GLCCI1: variants seen among roughly 807,000 people sequenced by gnomAD.
GLCCI1 encodes the protein glucocorticoid-induced transcript 1 protein.
GLCCI1 carries 24 observed loss-of-function variants against 52.2 expected under a neutral mutation model. The ratio of observed to expected loss-of-function variants is 0.46; its 90% CI spans 0.33 to 0.65. GLCCI1 has a LOEUF of 0.65. Among genes scored for constraint, GLCCI1 ranks in the 30% least tolerant of loss-of-function variants. The pLI is 0.02. For missense variants in GLCCI1, 704 were observed against 701.5 expected (o/e 1.00, Z -0.04); for synonymous variants, 310 against 276.5 (o/e 1.12, Z -1.20).
intron 3 of GLCCI1, among the ~76,000 whole-genome samples, chr7:8,026,680 A>T (rs1212025437): frequency 6.6e-6 from 1 of 152,266 alleles, no homozygotes; most frequent in Non-Finnish European, 1.5e-5. Context: ...CACAGTGAAG[A>T]ATAAAGCCAT....
At chr7:8,050,916 TAAATG>T (rs1178177572) in intron 3 of GLCCI1, among the ~76,000 whole-genome samples, 2 of 152,190 alleles carry the variant, frequency 1.3e-5, no homozygotes, top group African/African-American at 2.4e-5. Flanking sequence ...TGTTGAAAAA[TAAATG>T]AGATAATTCA....
chr7:8,063,566 C>T (rs7806440), intron 5 of GLCCI1, among the ~76,000 whole-genome samples: 109,500 of 149,958 alleles, frequency 0.73, 40,321 homozygotes, highest in African/African-American at 0.83. Context: ...CGTGTATATC[C>T]TTCTTTTGAA....
At chr7:7,988,956 A>T (rs1159969690) in intron 1 of GLCCI1, among the ~76,000 whole-genome samples, 1 of 152,058 alleles carries the variant, frequency 6.6e-6, no homozygotes, top group Non-Finnish European at 1.5e-5. Flanking sequence ...AAAAATTCTT[A>T]TGTGGTCCTC....
intron 4 of GLCCI1, 132 bp downstream of exon 4, chr7:8,055,681 A>G (rs1782373768): frequency 1.5e-6 from 1 of 667,316 alleles, no homozygotes; most frequent in Non-Finnish European, 2.6e-6. Flanking sequence ...AAATTGTTAT[A>G]AAAAGATTGT....
At chr7:8,030,155 C>T (rs1322183831) in intron 3 of GLCCI1, among the ~76,000 whole-genome samples, 1 of 152,124 alleles carries the variant, frequency 6.6e-6, no homozygotes, top group African/African-American at 2.4e-5. Flanking sequence ...TACTGAAGAG[C>T]TATAGTAACC....
chr7:7,996,381 G>C (rs755626010), intron 1 of GLCCI1, among the ~76,000 whole-genome samples: 17 of 150,412 alleles, frequency 1.1e-4, no homozygotes, highest in Non-Finnish European at 2.5e-4. Context: ...CCAAAAAAAC[G>C]AACTTAAAAA....
intron 3 of GLCCI1, among the ~76,000 whole-genome samples, chr7:8,034,025 T>C (rs1045913732): frequency 2.0e-5 from 3 of 152,116 alleles, no homozygotes; most frequent in Non-Finnish European, 2.9e-5. Context: ...TACATTAATA[T>C]AGTTAGTATA....
chr7:7,969,487 G>T lies in GLCCI1; in HGVS notation c.137G>T (p.Gly46Val). The change falls in exon 1 of 8, where the codon GGC becomes GTC. Residue 46 changes from glycine to valine, a missense_variant. Physicochemically the swap from Gly to Val is moderately radical, Grantham distance 109 (BLOSUM62 -3). Transcript: ENST00000223145. The surrounding 1 kb of genome is among the most constrained non-coding windows in gnomAD (Gnocchi z 4.9). ...GGGAGCGGGAACGGTGCGGGCGGCG[G>T]CGGCGGCGTGGGCTGCGCCCCGGCT... is the stretch of plus-strand genomic sequence containing the variant. ...AAGSGNGAGG[G>V]GGVGCAPAAG... 1 of 1,025,408 alleles carries T rather than the reference G, an allele frequency of 9.8e-7. No individual in the cohort carries two copies. The highest frequency in any genetic ancestry group is 5.8e-5 in the Admixed American group (1 of 17,102). The allele number at this position is 1,025,408 out of a possible 1,614,324, so 63.5% of individuals were successfully genotyped here.
At chr7:8,060,565 A>G (rs1024960637) in intron 5 of GLCCI1, among the ~76,000 whole-genome samples, 2 of 152,208 alleles carry the variant, frequency 1.3e-5, no homozygotes, top group East Asian at 1.9e-4. Flanking sequence ...TAGATGTTTC[A>G]TATCAATGGA....
At chr7:8,046,730 A>G (rs1002905702) in intron 3 of GLCCI1, among the ~76,000 whole-genome samples, 2 of 152,192 alleles carry the variant, frequency 1.3e-5, no homozygotes, top group Admixed American at 1.3e-4. Flanking sequence ...CATAAAATGT[A>G]TAAAACCAAG....
At chr7:8,076,684 A>C (rs1047115781) in intron 6 of GLCCI1, among the ~76,000 whole-genome samples, 1 of 152,310 alleles carries the variant, frequency 6.6e-6, no homozygotes, top group East Asian at 1.9e-4. Flanking sequence ...CAAATCAAAA[A>C]TTTTTAACAT....
At chr7:8,074,008 A>G (rs754506257) in intron 6 of GLCCI1, among the ~76,000 whole-genome samples, 2 of 152,188 alleles carry the variant, frequency 1.3e-5, no homozygotes, top group Non-Finnish European at 2.9e-5. Context: ...TCCCTTTTAT[A>G]TATGTAACTA....
intron 7 of GLCCI1, 57 bp downstream of exon 7, chr7:8,085,074 A>T (rs1783074791): frequency 6.3e-7 from 1 of 1,595,218 alleles, no homozygotes. Context: ...CTTTTTACTG[A>T]GACCAGTTGA....
intron 1 of GLCCI1, among the ~76,000 whole-genome samples, chr7:7,977,369 T>C (rs1453563815): frequency 6.6e-6 from 1 of 152,240 alleles, no homozygotes; most frequent in East Asian, 1.9e-4. Flanking sequence ...GATTATTTCC[T>C]GTTTTTCTGA....
intron 3 of GLCCI1, among the ~76,000 whole-genome samples, chr7:8,039,244 C>G (rs756949803): frequency 1.3e-5 from 2 of 152,206 alleles, no homozygotes; most frequent in Non-Finnish European, 2.9e-5. Flanking sequence ...AGTCCTACTA[C>G]TGGGTATCTA....
In GLCCI1 at chr7:7,987,183, C is replaced by T. The variant is rs570569652; in HGVS notation, c.458-16725C>T. ...TCATCTCACTATCCTCCACTGTGTACCTTGTGTTCCTGCCAAACTGAACTC... is the reference window on the plus strand; with the variant it reads ...TCATCTCACTATCCTCCACTGTGTATCTTGTGTTCCTGCCAAACTGAACTC... On this transcript the variant is annotated intron_variant, in intron 1 of 7. Transcript: ENST00000223145. Among the ~76,000 whole-genome samples, 3 of 152,274 alleles carry T rather than the reference C, an allele frequency of 2.0e-5. No homozygotes were observed. The East Asian group carries it at 5.8e-4, about 29-fold the overall frequency.
In GLCCI1 at chr7:7,969,765, A is replaced by G; in HGVS notation, c.415A>G (p.Ser139Gly). The G allele has an allele frequency of 6.7e-7, 1 of 1,481,670 alleles. No individual in the cohort carries two copies. The highest frequency in any genetic ancestry group is 8.9e-7 in the Non-Finnish European group (1 of 1,120,212). The allele number at this position is 1,481,670 out of a possible 1,614,324, so 91.8% of individuals were successfully genotyped here. A position where few individuals can be genotyped will look rare whatever the true frequency, so the allele number is the denominator to read the frequency against. ...GTCCCCAGAGAGCCACCGGAGGAGC[A>G]GCTCACCTGAGAGACGGAGCCCCGG... is the stretch of plus-strand genomic sequence containing the variant. ...RRSPESHRRS[S>G]SPERRSPGSP... The change falls in exon 1 of 8, where the codon AGC becomes GGC. Residue 139 changes from serine to glycine, a missense_variant. Coordinates refer to ENST00000223145, the MANE Select transcript of GLCCI1 (RefSeq NM_138426.4). The surrounding 1 kb of genome is among the most constrained non-coding windows in gnomAD (Gnocchi z 4.9).
intron 3 of GLCCI1, among the ~76,000 whole-genome samples, chr7:8,048,879 G>A (rs1232428302): frequency 6.6e-6 from 1 of 152,172 alleles, no homozygotes; most frequent in Admixed American, 6.5e-5. Context: ...GAGGAACACT[G>A]AGCTTGGGTA....
intron 3 of GLCCI1, among the ~76,000 whole-genome samples, chr7:8,035,878 C>T (rs1231110983): frequency 6.6e-6 from 1 of 152,194 alleles, no homozygotes; most frequent in African/African-American, 2.4e-5. Flanking sequence ...CTCTCACCAC[C>T]CGCTTCAGGG....
Sources: allele counts gnomAD v4.1 joint callset (sites outside exome capture counted in the v4.1 genomes callset), GRCh38; gene constraint gnomAD v4.1.1; non-coding constraint Gnocchi (gnomAD v3.1); transcripts MANE v1.5; gene names NCBI Gene and HGNC (gene_info 2026-07-23, HGNC 2026-07-21).